Variants in RGPD6 observed in about 807,000 individuals in gnomAD.
The protein encoded by RGPD6 is RANBP2 like and GRIP domain containing 6, also known as RANBP2-like and GRIP domain-containing protein 5/6.
the RGPD6 span, among the ~76,000 whole-genome samples, chr2:110,591,392 A>G: frequency 6.6e-6 from 1 of 151,348 alleles, no homozygotes; most frequent in Admixed American, 6.6e-5. Flanking sequence ...GTCGAATATA[A>G]TCAATTTGGA....
At chr2:110,607,200 A>G in the RGPD6 span, among the ~76,000 whole-genome samples, 1 of 150,552 alleles carries the variant, frequency 6.6e-6, no homozygotes, top group Non-Finnish European at 1.5e-5. Context: ...GCCTCTGCAT[A>G]TCTGCTGCCC....
the RGPD6 span, among the ~76,000 whole-genome samples, chr2:110,608,512 A>C: frequency 7.2e-6 from 1 of 138,180 alleles, no homozygotes; most frequent in South Asian, 2.4e-4. Context: ...TACGTAAACC[A>C]TAAAACTGAG....
At chr2:110,607,455 A>G in the RGPD6 span, among the ~76,000 whole-genome samples, 2 of 148,374 alleles carry the variant, frequency 1.3e-5, no homozygotes, top group Middle Eastern at 6.9e-3. Flanking sequence ...GTAAGTATGG[A>G]TGTTTCTGAG....
the RGPD6 span, among the ~76,000 whole-genome samples, chr2:110,593,283 ACC>A: frequency 2.0e-5 from 3 of 147,924 alleles, 1 homozygote; most frequent in Non-Finnish European, 4.4e-5. Flanking sequence ...TTCATCAGTG[ACC>A]CCCTGAATGA....
chr2:110,605,115 C>T, the RGPD6 span, among the ~76,000 whole-genome samples: 16 of 152,042 alleles, frequency 1.1e-4, no homozygotes, highest in East Asian at 2.9e-3. Flanking sequence ...CCAGTCTCTC[C>T]ACCCAGCTTT....
the RGPD6 span, among the ~76,000 whole-genome samples, chr2:110,608,179 A>G: frequency 1.4e-5 from 2 of 141,740 alleles, no homozygotes; most frequent in Admixed American, 1.4e-4. Context: ...AACTAATAAC[A>G]GTACTTGCTT....
the RGPD6 span, among the ~76,000 whole-genome samples, chr2:110,608,384 T>C: frequency 2.0e-5 from 3 of 151,108 alleles, no homozygotes; most frequent in African/African-American, 7.4e-5. Flanking sequence ...CTTTCCAGGA[T>C]TAAGAGATTC....
the RGPD6 span, among the ~76,000 whole-genome samples, chr2:110,608,337 C>G: frequency 6.7e-6 from 1 of 148,574 alleles, no homozygotes; most frequent in Non-Finnish European, 1.5e-5. Context: ...CTTCTATTTC[C>G]TCATCTATAA....
At chr2:110,604,512 C>A in the RGPD6 span, among the ~76,000 whole-genome samples, 2 of 144,440 alleles carry the variant, frequency 1.4e-5, no homozygotes, top group South Asian at 2.3e-4. Context: ...AATTCAGAAA[C>A]CTCAATTAAA....
chr2:110,607,380 G>A, the RGPD6 span, among the ~76,000 whole-genome samples: 3 of 149,998 alleles, frequency 2.0e-5, no homozygotes, highest in African/African-American at 7.4e-5. Context: ...TCAACTTTAA[G>A]GTATGGCTGA....
At chr2:110,600,926 G>A in the RGPD6 span, among the ~76,000 whole-genome samples, 1 of 148,914 alleles carries the variant, frequency 6.7e-6, no homozygotes, top group Non-Finnish European at 1.5e-5. Context: ...CCCGGGGGCT[G>A]GGGACCCCTG....
the RGPD6 span, among the ~76,000 whole-genome samples, chr2:110,607,009 T>G: frequency 7.3e-5 from 11 of 151,646 alleles, no homozygotes; most frequent in African/African-American, 1.9e-4. Flanking sequence ...GCACAAGGTC[T>G]TCTACTTAAG....
chr2:110,610,884 C>T, the RGPD6 span: 1 of 838,924 alleles, frequency 1.2e-6, no homozygotes, highest in Non-Finnish European at 1.4e-6. Flanking sequence ...CCCAGCCGCG[C>T]CAGAGCGGCC....
the RGPD6 span, among the ~76,000 whole-genome samples, chr2:110,605,789 T>A: frequency 6.6e-6 from 1 of 151,252 alleles, no homozygotes; most frequent in African/African-American, 2.5e-5. Context: ...CCAAACAAGA[T>A]CCACACTTTA....
chr2:110,602,252 A>AACCT, the RGPD6 span, among the ~76,000 whole-genome samples: 3 of 147,528 alleles, frequency 2.0e-5, no homozygotes, highest in Admixed American at 6.9e-5. Flanking sequence ...AAGTATCTGA[A>AACCT]ACCTACTATG....
chr2:110,597,193 C>T, the RGPD6 span, among the ~76,000 whole-genome samples: 1 of 27,366 alleles, frequency 3.7e-5, no homozygotes, highest in East Asian at 9.0e-4. Context: ...GGTTTCACCA[C>T]ATTGGCCAGG....
At chr2:110,608,528 A>G in the RGPD6 span, among the ~76,000 whole-genome samples, 1 of 126,390 alleles carries the variant, frequency 7.9e-6, no homozygotes, top group Non-Finnish European at 1.6e-5. Context: ...CTGAGAACAT[A>G]GCATCCAAAA....
chr2:110,601,476 A>G, the RGPD6 span, among the ~76,000 whole-genome samples: 1 of 147,438 alleles, frequency 6.8e-6, no homozygotes, highest in South Asian at 2.2e-4. Context: ...ATTTATTGAT[A>G]GTAAACTGTA....
the RGPD6 span, among the ~76,000 whole-genome samples, chr2:110,608,219 T>C: frequency 7.0e-6 from 1 of 142,242 alleles, no homozygotes; most frequent in Admixed American, 7.0e-5. Context: ...ACATGTAATG[T>C]ACCCAGAACA....
Sources: gnomAD v4.1 joint callset for allele counts (sites outside exome capture counted in the v4.1 genomes callset) on GRCh38, gnomAD v4.1.1 for gene constraint, MANE v1.5 for transcripts, NCBI Gene and HGNC (gene_info 2026-07-23, HGNC 2026-07-21) for gene names.